RHPN1: variants seen among roughly 807,000 people sequenced by gnomAD.
RHPN1 encodes the protein rhophilin-1.
In RHPN1, 77 loss-of-function variants were observed where a neutral mutation model predicts 74.7. The observed-to-expected ratio is 1.03, with a 90% CI of 0.86 to 1.25. The LOEUF (loss-of-function observed/expected upper bound fraction) is 1.25. RHPN1 is among the 50% of genes most tolerant of loss of function. The pLI is 0.00. For synonymous variants in RHPN1, 444 were observed against 414.5 expected (o/e 1.07, Z -0.87); for missense variants, 987 against 932.2 (o/e 1.06, Z -0.77).
At position 143,379,996 on chromosome 8, in the gene RHPN1, A is replaced by G. The variant is rs777952087; in HGVS notation, c.1102+11A>G. On this transcript the variant is annotated intron_variant, in intron 9 of 14. Coordinates refer to ENST00000289013, the MANE Select transcript of RHPN1 (RefSeq NM_052924.3). The stretch of plus-strand genomic sequence containing the variant: ...TCTGCGACGGCTCCCGTGAGTGCCC[A>G]CCACACTTGCCCATGGTACTGCCAA... 1.9e-6 allele frequency: 3 copies of G among 1,556,308 alleles called. No individual in the cohort carries two copies. The highest frequency in any genetic ancestry group is 1.9e-5 in the Admixed American group (1 of 51,496).
At chr8:143,365,174 TA>T (rs58653449), upstream of RHPN1, among the ~76,000 whole-genome samples, 1,322 of 152,178 alleles carry the variant, frequency 8.7e-3, 31 homozygotes, top group African/African-American at 0.03. Flanking sequence ...CCGATGCGCA[TA>T]AACAGTGTCA....
chr8:143,378,744 G>A lies in RHPN1; in HGVS notation c.508G>A (p.Ala170Thr), dbSNP rs767371789. 1 of 1,590,800 alleles carries A rather than the reference G, an allele frequency of 6.3e-7. No homozygotes were observed. The highest frequency in any genetic ancestry group is 1.1e-5 in the South Asian group (1 of 87,506). The change falls in exon 6 of 15, where the codon GCC becomes ACC. Residue 170 changes from alanine to threonine, a missense_variant. Ala to Thr is a moderately conservative substitution (Grantham distance 58, BLOSUM62 0). Transcript: ENST00000289013. ...RNESGLELLT[A>T]YYNQLCFLDA... is the part of the protein sequence containing the mutation. ...TGAGTCGGGCCTGGAGCTGCTCACAGCCTATTACAACCAGCTGTGCTTCCT... is the reference window on the plus strand; with the variant it reads ...TGAGTCGGGCCTGGAGCTGCTCACAACCTATTACAACCAGCTGTGCTTCCT...
At chr8:143,378,529 G>A (rs1818448169) in intron 5 of RHPN1, among the ~76,000 whole-genome samples, 167 bp from the exon 6 acceptor site, 1 of 152,070 alleles carries the variant, frequency 6.6e-6, no homozygotes, top group Non-Finnish European at 1.5e-5. Context: ...GCTCCCAGGT[G>A]GCTCCGGTGC....
chr8:143,376,758 C>A, intron 3 of RHPN1, 105 bp downstream of exon 3: 1 of 1,348,788 alleles, frequency 7.4e-7, no homozygotes, highest in Non-Finnish European at 1.0e-6. Flanking sequence ...TATATGTGTG[C>A]ATTGTCTGTG....
upstream of RHPN1, among the ~76,000 whole-genome samples, chr8:143,364,592 C>CT (rs375769809): frequency 1.0e-3 from 149 of 145,592 alleles, no homozygotes; most frequent in Middle Eastern, 3.5e-3. The surrounding 1 kb of genome is among the most constrained non-coding windows in gnomAD (Gnocchi z 4.5). Flanking sequence ...CTCAGTGGCT[C>CT]TTTTTTTTTT....
rs768247610 is a variant in RHPN1, at chr8:143,376,651, G to A, written c.303G>A (p.Gly101=). 1.9e-6 allele frequency: 3 copies of A among 1,566,164 alleles called. No individual in the cohort carries two copies. The highest frequency in any genetic ancestry group is 2.6e-6 in the Non-Finnish European group (3 of 1,155,752). ...GTGGCGTGGACCCTGGCCGGCATGG[G>A]AGGTGCGGGTGGGGGCCGGGACAGC... ...LSGGVDPGRH[G]SEAVTVPMIP... The change falls in exon 3 of 15, where the codon GGG becomes GGA. Residue 101 remains glycine, a splice_region_variant and synonymous_variant. Transcript: ENST00000289013.
At chr8:143,365,016 G>T (rs904331840), upstream of RHPN1, among the ~76,000 whole-genome samples, 5 of 151,968 alleles carry the variant, frequency 3.3e-5, no homozygotes, top group African/African-American at 7.3e-5. Flanking sequence ...AATTTGTGTG[G>T]GTTTGTGCAC....
Position 143,375,606 on chromosome 8 carries a change from C to T in RHPN1, c.114C>T (p.Ala38=). The part of the protein sequence containing the change: ...IQCGQLQSRR[A]QIHQQIDKEL... ...GCGGCCAGCTGCAGAGCCGCAGGGC[C>T]CAGATTCACCAGCAGATTGACAAGG... Residue 38 remains alanine, a synonymous_variant, in exon 2 of 15, where the codon GCC becomes GCT. Transcript: ENST00000289013. 6.2e-7 allele frequency: 1 copy of T among 1,609,008 alleles called. No individual in the cohort carries two copies. The highest frequency in any genetic ancestry group is 1.1e-5 in the South Asian group (1 of 90,454).
In RHPN1 at chr8:143,378,362, GC is replaced by G; in HGVS notation, c.459+19del. 7.2e-7 allele frequency: 1 copy of G among 1,386,078 alleles called. No individual in the cohort carries two copies. Among genetic ancestry groups the G allele is most frequent in the Non-Finnish European group, 9.5e-7 (1 of 1,058,186 alleles). The allele number at this position is 1,386,078 out of a possible 1,614,324, so 85.9% of individuals were successfully genotyped here. On this transcript the variant is annotated intron_variant, in intron 5 of 14. Coordinates refer to ENST00000289013, the MANE Select transcript of RHPN1 (RefSeq NM_052924.3). ...CCTGCGGCAGGTGTGTGGTTCCCCC[GC>G]CCACCCACCCTCCTGCAGCCCTGGG...
upstream of RHPN1, chr8:143,366,797 T>C (rs1817563828): frequency 6.6e-6 from 1 of 152,220 alleles, no homozygotes. Context: ...CTGGATACCA[T>C]TTCAGTCACA....
rs749709642 is a variant in RHPN1, at chr8:143,382,443, G to A, written c.1805G>A (p.Arg602His). Residue 602 changes from arginine to histidine, a missense_variant, in exon 15 of 15, where the codon CGC (arginine) becomes CAC (histidine). Coordinates refer to ENST00000289013, the MANE Select transcript of RHPN1 (RefSeq NM_052924.3). ...PSSRLPSLGD[R>H]RPVLLGPRGL... is the part of the protein sequence containing the mutation. ...TCTCTGTCCCTGCTGCAGGGGGACCGCCGGCCCGTCCTGCTGGGCCCCAGG... is the reference window on the plus strand; with the variant it reads ...TCTCTGTCCCTGCTGCAGGGGGACCACCGGCCCGTCCTGCTGGGCCCCAGG... The A allele has an allele frequency of 1.2e-5, 19 of 1,563,938 alleles. No homozygotes were observed. The highest frequency in any genetic ancestry group is 4.7e-5 in the South Asian group (4 of 85,350).
chr8:143,366,533 GCACACACGCACATATGCACGCA>G (rs1240780254), upstream of RHPN1: 2 of 138,920 alleles, frequency 1.4e-5, no homozygotes, highest in Non-Finnish European at 3.2e-5. Flanking sequence ...ACACACACAC[GCACACACGCACATATGCACGCA>G]CACACACGCA....
chr8:143,377,592 C>T (rs557219794), intron 4 of RHPN1, 137 bp downstream of exon 4: 23 of 631,284 alleles, frequency 3.6e-5, no homozygotes, highest in African/African-American at 1.7e-4. Flanking sequence ...TTAAAAGGGA[C>T]GCAAGGGACC....
chr8:143,380,681 C>A lies in RHPN1; in HGVS notation c.1309C>A (p.Arg437=). The A allele has an allele frequency of 1.3e-6, 2 of 1,580,206 alleles. No individual in the cohort carries two copies. The highest frequency in any genetic ancestry group is 1.2e-5 in the South Asian group (1 of 86,380). ...CGTCCTGCGCGAGGTGGACCTGCTT[C>A]GGGCTGTGATCTCCCAGACGCTGCA... ...CRVLREVDLL[R]AVISQTLQRS... Residue 437 remains arginine, a synonymous_variant, in exon 11 of 15, where the codon CGG becomes AGG. Transcript: ENST00000289013.
Position 143,378,356 on chromosome 8 carries a change from T to TCCTCC in RHPN1, c.459+12_459+13insTCCCC. The TCCTCC allele has an allele frequency of 1.3e-6, 2 of 1,525,440 alleles. No homozygotes were observed. The highest frequency in any genetic ancestry group is 1.2e-5 in the South Asian group (1 of 83,568). 94.5% of individuals were successfully genotyped at this position (1,525,440 alleles called of 1,614,324 possible). A position where few individuals can be genotyped will look rare whatever the true frequency, so the allele number is the denominator to read the frequency against. On this transcript the variant is annotated intron_variant, in intron 5 of 14. Coordinates refer to ENST00000289013, the MANE Select transcript of RHPN1 (RefSeq NM_052924.3). ...GGAGGCCCTGCGGCAGGTGTGTGGT[T>TCCTCC]CCCCCGCCCACCCACCCTCCTGCAG...
intron 2 of RHPN1, among the ~76,000 whole-genome samples, chr8:143,375,921 C>T (rs1563791824): frequency 2.6e-5 from 4 of 152,342 alleles, no homozygotes; most frequent in South Asian, 4.1e-4. Context: ...TTGGGAAGCC[C>T]CAACAGTGCA....
In RHPN1 at chr8:143,368,946, G is replaced by A. The variant is rs376982711; in HGVS notation, c.-42G>A. 1.4e-6 allele frequency: 2 copies of A among 1,426,364 alleles called. No individual in the cohort carries two copies. The highest frequency in any genetic ancestry group is 2.5e-4 in the Middle Eastern group (1 of 3,996). The allele number at this position is 1,426,364 out of a possible 1,614,324, so 88.4% of individuals were successfully genotyped here. A position where few individuals can be genotyped will look rare whatever the true frequency, so the allele number is the denominator to read the frequency against. On this transcript the variant is annotated 5_prime_UTR_variant, in exon 1 of 15. Coordinates refer to ENST00000289013, the MANE Select transcript of RHPN1 (RefSeq NM_052924.3). ...CTGCGGAGCGCTGCGCGAGCGGCGGGCTGGCTGACCCCGAGGGACCCCCAG... is the reference window on the plus strand; with the variant it reads ...CTGCGGAGCGCTGCGCGAGCGGCGGACTGGCTGACCCCGAGGGACCCCCAG...
rs575641818 is a variant in RHPN1, at chr8:143,375,499, G to T, written c.61-54G>T. The T allele has an allele frequency of 3.6e-5, 47 of 1,314,482 alleles. No individual in the cohort carries two copies. The East Asian group carries it at 1.1e-3, about 32-fold the overall frequency. 81.4% of individuals were successfully genotyped at this position (1,314,482 alleles called of 1,614,324 possible). A position where few individuals can be genotyped will look rare whatever the true frequency, so the allele number is the denominator to read the frequency against. On this transcript the variant is annotated intron_variant, in intron 1 of 14. Coordinates refer to ENST00000289013, the MANE Select transcript of RHPN1 (RefSeq NM_052924.3). The stretch of plus-strand genomic sequence containing the variant: ...TCCTCTCAGTGGCTGGCGAGGCGCA[G>T]CCTGGTGCGGGCGCCACGGGGTCGG...
chr8:143,366,134 AT>A (rs1275376896), upstream of RHPN1, among the ~76,000 whole-genome samples: 8 of 84,692 alleles, frequency 9.4e-5, no homozygotes, highest in African/African-American at 1.9e-4. Flanking sequence ...CCCTGTCTCA[AT>A]TTTTTTTTCT....
Sources: gnomAD v4.1 joint callset for allele counts (sites outside exome capture counted in the v4.1 genomes callset) on GRCh38, gnomAD v4.1.1 for gene constraint, Gnocchi (gnomAD v3.1) non-coding constraint, MANE v1.5 for transcripts, NCBI Gene and HGNC (gene_info 2026-07-23, HGNC 2026-07-21) for gene names.